The following HERC2 variants were observed in gnomAD, a reference collection of about 807,000 sequenced individuals.
HERC2 encodes the protein E3 ubiquitin-protein ligase HERC2.
In HERC2, 102 loss-of-function variants were observed where a neutral mutation model predicts 537.7. That is an observed-to-expected ratio of 0.19 (90% confidence interval 0.16 to 0.22). The LOEUF (loss-of-function observed/expected upper bound fraction) is 0.22, where lower values mean the gene tolerates loss of function less well. Among genes scored for constraint, HERC2 ranks in the 10% least tolerant of loss-of-function variants. The probability of loss-of-function intolerance (pLI) is 1.00; values close to 1 mark genes in which losing one functional copy is unlikely to be tolerated. For missense variants in HERC2, 4,236 were observed against 6,198.2 expected, an observed-to-expected ratio of 0.68 and a Z score of 10.63; for synonymous variants, 2,224 against 2,466.2, an observed-to-expected ratio of 0.90 and a Z score of 2.91.
intron 4 of HERC2, among the ~76,000 whole-genome samples, chr15:28,284,750 A>G (rs1238298681): frequency 6.6e-6 from 1 of 151,912 alleles, no homozygotes; most frequent in Non-Finnish European, 1.5e-5. Flanking sequence ...CCCCATCTCT[A>G]CTAAAAATAC....
intron 2 of HERC2, among the ~76,000 whole-genome samples, chr15:28,313,947 C>T (rs1484224135): frequency 2.5e-4 from 38 of 152,218 alleles, no homozygotes; most frequent in African/African-American, 8.9e-4. Context: ...GCCTGGCAGA[C>T]CCCATGCTCT....
At chr15:28,184,786 C>T (rs2140216322) in intron 56 of HERC2, among the ~76,000 whole-genome samples, 1 of 151,614 alleles carries the variant, frequency 6.6e-6, no homozygotes, top group Admixed American at 6.6e-5. Context: ...GGCGTGAACC[C>T]AGGAAGCGGA....
chr15:28,238,862 TAAAC>T (rs1309821199), intron 23 of HERC2, 90 bp from the exon 24 acceptor site: 16 of 936,072 alleles, frequency 1.7e-5, no homozygotes, highest in Non-Finnish European at 2.3e-5. Flanking sequence ...CAAGCAGAAA[TAAAC>T]AAACCCACAA....
rs1896922304 is a variant in HERC2, at chr15:28,192,246, A to T, written c.8261-95T>A. On this transcript the variant is annotated intron_variant, in intron 52 of 92. Transcript: ENST00000261609. ...TTACATAGTAAGGAGCTTCTTAAAGAAAAATAGAAAGTTTCAAACTGAAAG... is the reference window on the plus strand; with the variant it reads ...TTACATAGTAAGGAGCTTCTTAAAGTAAAATAGAAAGTTTCAAACTGAAAG... 3 of 1,103,182 alleles carry T rather than the reference A, an allele frequency of 2.7e-6. No homozygotes were observed. The Admixed American group carries it at 7.4e-5, about 27-fold the overall frequency. The allele number at this position is 1,103,182 out of a possible 1,614,324, so 68.3% of individuals were successfully genotyped here.
At chr15:28,287,498 A>C (rs1168549197) in intron 4 of HERC2, among the ~76,000 whole-genome samples, 2 of 152,136 alleles carry the variant, frequency 1.3e-5, no homozygotes, top group African/African-American at 4.8e-5. Flanking sequence ...TTACCTACCC[A>C]TAACTGTAGG....
At chr15:28,197,664 A>G (rs1455646237) in intron 50 of HERC2, among the ~76,000 whole-genome samples, 1 of 152,182 alleles carries the variant, frequency 6.6e-6, no homozygotes, top group Non-Finnish European at 1.5e-5. Context: ...AGACTGGAGA[A>G]TTCCTTAAAC....
In HERC2 at chr15:28,248,699, C is replaced by T. The variant is rs1338519593; in HGVS notation, c.3088G>A (p.Val1030Ile). The T allele has an allele frequency of 4.3e-6, 7 of 1,613,990 alleles. No individual in the cohort carries two copies. The highest frequency in any genetic ancestry group is 5.9e-6 in the Non-Finnish European group (7 of 1,179,988). ...AGACATGATGAAATCCGACGGGCAA[C>T]ATCTTTCAATCTGGCTACAGTCTGA... ...ASQTVARLKDVARRISSCLDF... is the reference protein window; with the variant it reads ...ASQTVARLKDIARRISSCLDF... The change falls in exon 21 of 93, where the codon GTT becomes ATT. Residue 1030 changes from valine (V) to isoleucine (I), a missense_variant. Transcript: ENST00000261609.
intron 2 of HERC2, among the ~76,000 whole-genome samples, chr15:28,306,852 G>A (rs2141248445): frequency 6.6e-6 from 1 of 151,958 alleles, no homozygotes; most frequent in South Asian, 2.1e-4. Flanking sequence ...TTCTTTTTTT[G>A]AAGACACAGT....
chr15:28,123,966 T>C (rs766310997), intron 85 of HERC2, 71 bp downstream of exon 85: 4 of 1,259,816 alleles, frequency 3.2e-6, no homozygotes, highest in East Asian at 2.6e-5. Flanking sequence ...ATTCCCAGTA[T>C]AGGAATTCTA....
intron 3 of HERC2, among the ~76,000 whole-genome samples, chr15:28,297,418 CTTAATG>C (rs1347126801): frequency 7.3e-5 from 11 of 150,828 alleles, no homozygotes; most frequent in Admixed American, 4.0e-4. Flanking sequence ...GGAGAAAAGA[CTTAATG>C]TTAAAGAAAA....
chr15:28,294,811 A>G (rs1230782797), intron 3 of HERC2, among the ~76,000 whole-genome samples: 1 of 152,032 alleles, frequency 6.6e-6, no homozygotes, highest in Non-Finnish European at 1.5e-5. Context: ...ATGCGTGACT[A>G]ATAAACTGCT....
intron 15 of HERC2, among the ~76,000 whole-genome samples, chr15:28,262,136 T>C (rs2075432055): frequency 1.3e-5 from 2 of 152,188 alleles, no homozygotes; most frequent in Non-Finnish European, 2.9e-5. Flanking sequence ...TCCTACTTTC[T>C]TGTCAATTTG....
intron 4 of HERC2, among the ~76,000 whole-genome samples, chr15:28,281,759 G>C (rs78863461): frequency 0.021 from 3,187 of 152,306 alleles, 101 homozygotes; most frequent in African/African-American, 0.073. Context: ...AAGACTGAAA[G>C]GTAAAGCAGT....
intron 4 of HERC2, among the ~76,000 whole-genome samples, chr15:28,287,858 G>A (rs2076202264): frequency 6.6e-6 from 1 of 151,546 alleles, no homozygotes; most frequent in African/African-American, 2.4e-5. Flanking sequence ...CGAGTAGCTG[G>A]GACTACAGGT....
At chr15:28,319,437 C>A (rs1473416458) in intron 2 of HERC2, among the ~76,000 whole-genome samples, 1 of 151,410 alleles carries the variant, frequency 6.6e-6, no homozygotes, top group Non-Finnish European at 1.5e-5. Flanking sequence ...AAAAATTAGT[C>A]GGGCATGCAT....
At position 28,230,230 on chromosome 15, in the gene HERC2, T is replaced by G; in HGVS notation, c.4809+137A>C. 8.2e-6 allele frequency: 7 copies of G among 852,086 alleles called. No homozygotes were observed. The South Asian group carries it at 8.3e-5, about 10-fold the overall frequency. 52.8% of individuals were successfully genotyped at this position (852,086 alleles called of 1,614,324 possible). A position where few individuals can be genotyped will look rare whatever the true frequency, so the allele number is the denominator to read the frequency against. On this transcript the variant is annotated intron_variant, in intron 31 of 92. Coordinates refer to ENST00000261609, the MANE Select transcript of HERC2 (RefSeq NM_004667.6). ...CTGACCAGGACATCATAAGCCAAGTTCATGAAGCATCACTGGGGCCATGTT... is the reference window on the plus strand; with the variant it reads ...CTGACCAGGACATCATAAGCCAAGTGCATGAAGCATCACTGGGGCCATGTT...
rs1484334151 is a variant in HERC2 at position 28,152,683 on chromosome 15, T to A, written c.10894A>T (p.Ile3632Leu). 1 of 1,549,116 alleles carries A rather than the reference T, an allele frequency of 6.5e-7. No individual in the cohort carries two copies. Among genetic ancestry groups the A allele is most frequent in the Admixed American group, 2.0e-5 (1 of 51,006 alleles). ...DDTSTSGTVK[I>L]PGAEGLRVEF... ...CTGGGGCCAGCCCCTGTACCTGGTA[T>A]CTTCACTGTGCCACTGGTGGAGGTG... Residue 3632 changes from isoleucine (I) to leucine (L), a missense_variant, in exon 70 of 93, where the codon ATA becomes TTA. By Grantham distance (5) the Ile-to-Leu change is conservative. Transcript: ENST00000261609.
chr15:28,189,555 G>T (rs1053975664), intron 55 of HERC2, among the ~76,000 whole-genome samples: 20 of 152,214 alleles, frequency 1.3e-4, no homozygotes, highest in Admixed American at 1.0e-3. Flanking sequence ...AGCACCACTG[G>T]TATTGGCTAT....
chr15:28,117,284 G>A (rs779776543), intron 86 of HERC2, 130 bp from the exon 87 acceptor site: 22 of 942,024 alleles, frequency 2.3e-5, no homozygotes, highest in Non-Finnish European at 3.7e-5. Context: ...TCACACACCT[G>A]CTTGTGTGGA....
Sources: gnomAD v4.1 joint callset for allele counts (sites outside exome capture counted in the v4.1 genomes callset) on GRCh38, gnomAD v4.1.1 for gene constraint, MANE v1.5 for transcripts, NCBI Gene and HGNC (gene_info 2026-07-23, HGNC 2026-07-21) for gene names.